NPAS3: variants seen among roughly 807,000 people sequenced by gnomAD.
NPAS3 encodes the protein neuronal PAS domain-containing protein 3.
A neutral mutation model predicts 73.1 loss-of-function variants in NPAS3; 14 were observed. That is an observed-to-expected ratio of 0.19 (90% CI 0.13 to 0.30). The LOEUF is 0.30. NPAS3 is among the 10% of genes least tolerant of loss of function. The pLI, the probability that NPAS3 is intolerant of heterozygous loss-of-function variation, is 1.00. For synonymous variants in NPAS3, 620 were observed against 541.5 expected, an observed-to-expected ratio of 1.14 and a Z score of -2.01; for missense variants, 1,096 against 1,250.0, an observed-to-expected ratio of 0.88 and a Z score of 1.86.
At chr14:33,430,532 T>C (rs7144312) in intron 4 of NPAS3, among the ~76,000 whole-genome samples, 20,485 of 151,992 alleles carry the variant, frequency 0.13, 2,278 homozygotes, top group East Asian at 0.38. Context: ...CTCTCCCAAC[T>C]ACACTCCCAC....
At chr14:33,061,305 A>G (rs2041091007) in intron 2 of NPAS3, among the ~76,000 whole-genome samples, 1 of 152,228 alleles carries the variant, frequency 6.6e-6, no homozygotes, top group Admixed American at 6.5e-5. Context: ...CCTGCACAAT[A>G]GAACAACTTA....
At chr14:33,118,229 A>G (rs1375522714) in intron 2 of NPAS3, among the ~76,000 whole-genome samples, 1 of 152,074 alleles carries the variant, frequency 6.6e-6, no homozygotes, top group African/African-American at 2.4e-5. Flanking sequence ...TATCAACATT[A>G]ATATAAATAT....
chr14:33,339,897 T>G, intron 3 of NPAS3, among the ~76,000 whole-genome samples: 1 of 152,318 alleles, frequency 6.6e-6, no homozygotes, highest in East Asian at 1.9e-4. Context: ...ACACATAAAA[T>G]ATAATATATT....
chr14:33,258,813 C>A (rs1446361985), intron 3 of NPAS3, among the ~76,000 whole-genome samples: 1 of 151,918 alleles, frequency 6.6e-6, no homozygotes, highest in Non-Finnish European at 1.5e-5. Flanking sequence ...AGCTGTAGCT[C>A]TTTTGTTTGT....
chr14:33,375,114 C>G (rs374801507), intron 4 of NPAS3, among the ~76,000 whole-genome samples: 22 of 152,114 alleles, frequency 1.4e-4, no homozygotes, highest in African/African-American at 5.1e-4. Context: ...TCAGTGCTAA[C>G]GTAAAATAAG....
intron 3 of NPAS3, among the ~76,000 whole-genome samples, chr14:33,229,197 G>C (rs915019683): frequency 6.6e-6 from 1 of 152,092 alleles, no homozygotes; most frequent in Non-Finnish European, 1.5e-5. Flanking sequence ...AACAACTAAA[G>C]GCATGAATCA....
At chr14:33,729,443 G>T (rs562110049) in intron 6 of NPAS3, among the ~76,000 whole-genome samples, 3 of 152,082 alleles carry the variant, frequency 2.0e-5, no homozygotes, top group Non-Finnish European at 4.4e-5. Flanking sequence ...AAGATATCTC[G>T]CATAGTTCCT....
At chr14:33,566,640 A>G (rs116887525) in intron 5 of NPAS3, among the ~76,000 whole-genome samples, 2,214 of 152,194 alleles carry the variant, frequency 0.015, 31 homozygotes, top group Non-Finnish European at 0.024. Context: ...AGTAGAAAAA[A>G]TCCCTAATGT....
At chr14:33,343,954 T>C (rs933278945) in intron 3 of NPAS3, among the ~76,000 whole-genome samples, 2 of 152,102 alleles carry the variant, frequency 1.3e-5, no homozygotes, top group South Asian at 2.1e-4. Flanking sequence ...CCTTACCCAA[T>C]AGCTTTTAAG....
intron 1 of NPAS3, among the ~76,000 whole-genome samples, chr14:32,994,185 A>G (rs776578164): frequency 4.6e-5 from 7 of 152,292 alleles, no homozygotes; most frequent in East Asian, 3.9e-4. Context: ...TTGAAATACT[A>G]TATTATAAAT....
intron 3 of NPAS3, among the ~76,000 whole-genome samples, chr14:33,256,137 T>A (rs1385998646): frequency 2.0e-5 from 3 of 152,194 alleles, no homozygotes; most frequent in Admixed American, 2.0e-4. Flanking sequence ...ATAATTTAGG[T>A]AAAGCCTGAC....
chr14:33,211,549 A>G (rs190685346), intron 2 of NPAS3, among the ~76,000 whole-genome samples: 17 of 152,294 alleles, frequency 1.1e-4, no homozygotes, highest in African/African-American at 3.6e-4. Flanking sequence ...GTGGGACTCC[A>G]TCTCAAAAAA....
At chr14:33,786,209 A>C (rs1390217563) in intron 9 of NPAS3, among the ~76,000 whole-genome samples, 1 of 152,244 alleles carries the variant, frequency 6.6e-6, no homozygotes, top group Non-Finnish European at 1.5e-5. Flanking sequence ...GCTGTTGAGC[A>C]GACGACCAAC....
chr14:33,654,491 G>GA (rs575353578), intron 5 of NPAS3, among the ~76,000 whole-genome samples: 3 of 151,946 alleles, frequency 2.0e-5, no homozygotes, highest in African/African-American at 7.3e-5. Flanking sequence ...TTCCAGTGGT[G>GA]AAAAAAAGTG....
At chr14:33,000,004 A>G (rs556656936) in intron 1 of NPAS3, among the ~76,000 whole-genome samples, 54 of 152,318 alleles carry the variant, frequency 3.5e-4, no homozygotes, top group Middle Eastern at 3.4e-3. Context: ...TGACATTTAT[A>G]CAAAATGACC....
chr14:33,643,300 T>C (rs2058725135), intron 5 of NPAS3, among the ~76,000 whole-genome samples: 1 of 150,876 alleles, frequency 6.6e-6, no homozygotes, highest in Non-Finnish European at 1.5e-5. Flanking sequence ...AAAGTAATTG[T>C]TAGGCAGACA....
chr14:33,171,653 CTT>C (rs1429476849), intron 2 of NPAS3, among the ~76,000 whole-genome samples: 1 of 152,186 alleles, frequency 6.6e-6, no homozygotes, highest in Admixed American at 6.5e-5. Context: ...GTCACTAAAA[CTT>C]TCTCCCTGTC....
At chr14:33,560,566 A>T (rs2055593231) in intron 5 of NPAS3, among the ~76,000 whole-genome samples, 1 of 152,170 alleles carries the variant, frequency 6.6e-6, no homozygotes, top group Non-Finnish European at 1.5e-5. Context: ...CTGGATGTTT[A>T]TGGAGTACCC....
intron 5 of NPAS3, among the ~76,000 whole-genome samples, chr14:33,667,866 A>G (rs2059499236): frequency 6.6e-6 from 1 of 152,096 alleles, no homozygotes; most frequent in South Asian, 2.1e-4. Context: ...CCTATATTCT[A>G]CAGTGGCTAA....
Sources: allele counts gnomAD v4.1 joint callset (sites outside exome capture counted in the v4.1 genomes callset), GRCh38; gene constraint gnomAD v4.1.1; transcripts MANE v1.5; gene names NCBI Gene and HGNC (gene_info 2026-07-23, HGNC 2026-07-21).